The following AGO3 variants were observed in gnomAD, a reference collection of about 807,000 sequenced individuals.
AGO3 encodes the protein protein argonaute-3.
AGO3 carries 16 observed loss-of-function variants against 105.5 expected under a neutral mutation model. The ratio of observed to expected loss-of-function variants is 0.15; its 90% confidence interval spans 0.10 to 0.23. The LOEUF (loss-of-function observed/expected upper bound fraction) is 0.23. Among genes scored for constraint, AGO3 ranks in the 10% least tolerant of loss-of-function variants. AGO3 has a pLI of 1.00. For missense variants in AGO3, 534 were observed against 1,088.0 expected (o/e 0.49, Z 7.16); for synonymous variants, 340 against 367.3 (o/e 0.93, Z 0.85).
intron 9 of AGO3, among the ~76,000 whole-genome samples, chr1:36,011,141 C>T: frequency 6.6e-6 from 1 of 152,018 alleles, no homozygotes; most frequent in Non-Finnish European, 1.5e-5. Context: ...GCTCTGTTCT[C>T]GAATACCATT....
At position 36,055,919 on chromosome 1, in the gene AGO3, A is replaced by G. The variant is rs755393194; in HGVS notation, c.*174A>G. ...ACAAGGAAGATTGTTTACTTCATCA[A>G]GGAACACAGCATCATTATGCAATAT... On this transcript the variant is annotated 3_prime_UTR_variant, in exon 19 of 19. Coordinates refer to ENST00000373191, the MANE Select transcript of AGO3 (RefSeq NM_024852.4). The surrounding 1 kb of genome is among the most constrained non-coding windows in gnomAD (Gnocchi z 4.4). 1.0e-5 allele frequency: 6 copies of G among 583,760 alleles called. No individual in the cohort carries two copies. Among genetic ancestry groups the G allele is most frequent in the Admixed American group, 3.2e-5 (1 of 31,354 alleles). 36.2% of individuals were successfully genotyped at this position (583,760 alleles called of 1,614,324 possible). A position where few individuals can be genotyped will look rare whatever the true frequency, so the allele number is the denominator to read the frequency against.
chr1:36,003,311 A>G (rs991494010), intron 5 of AGO3, among the ~76,000 whole-genome samples: 6 of 152,172 alleles, frequency 3.9e-5, no homozygotes, highest in Non-Finnish European at 7.3e-5. Context: ...AAACTCTTCT[A>G]GTTCCAAAAC....
chr1:35,938,218 A>G (rs139129941), intron 1 of AGO3, among the ~76,000 whole-genome samples: 18 of 152,274 alleles, frequency 1.2e-4, no homozygotes, highest in African/African-American at 4.3e-4. Context: ...ACCTGACCTC[A>G]GGTGATCCAC....
intron 5 of AGO3, among the ~76,000 whole-genome samples, chr1:35,995,205 A>ATATATATATAT (rs1553164834): frequency 8.9e-6 from 1 of 112,668 alleles, no homozygotes; most frequent in African/African-American, 4.5e-5. Flanking sequence ...TGTCTAAAAA[A>ATATATATATAT]AAAAATATAT....
intron 5 of AGO3, among the ~76,000 whole-genome samples, chr1:35,988,328 G>A (rs753809161): frequency 6.6e-6 from 1 of 152,090 alleles, no homozygotes; most frequent in Non-Finnish European, 1.5e-5. Flanking sequence ...TACTCTCAGC[G>A]TATTTCAAGT....
rs537745773 is a variant in AGO3, at chr1:35,955,215, G to A, written c.191+9352G>A. Among the ~76,000 whole-genome samples, 243 of 152,352 alleles carry A rather than the reference G, an allele frequency of 1.6e-3. 1 individual carries two copies. The highest frequency in any genetic ancestry group is 2.8e-3 in the Non-Finnish European group (188 of 68,040). On this transcript the variant is annotated intron_variant, in intron 2 of 18. Coordinates refer to ENST00000373191, the MANE Select transcript of AGO3 (RefSeq NM_024852.4). Reference sequence around the variant, plus strand: ...GGACCATACTTGATGACAGTGTGGTGAATGAGAGATGAGAAAGACTTGAGT... The same window carrying A: ...GGACCATACTTGATGACAGTGTGGTAAATGAGAGATGAGAAAGACTTGAGT...
intron 17 of AGO3, among the ~76,000 whole-genome samples, chr1:36,044,910 C>T (rs1205869365): frequency 1.3e-5 from 2 of 152,136 alleles, no homozygotes; most frequent in Non-Finnish European, 2.9e-5. Flanking sequence ...GAGTCTATAA[C>T]CCAAAACTAT....
At chr1:35,997,482 G>C (rs1639882702) in intron 5 of AGO3, among the ~76,000 whole-genome samples, 1 of 152,106 alleles carries the variant, frequency 6.6e-6, no homozygotes, top group South Asian at 2.1e-4. Context: ...CTCCTAGTCA[G>C]CCATGTGATC....
Position 36,055,447 on chromosome 1 carries a change from G to A in AGO3, c.2475-190G>A, listed in dbSNP as rs958743759. Among the ~76,000 whole-genome samples, 37 of 152,132 alleles carry A rather than the reference G, an allele frequency of 2.4e-4. No homozygotes were observed. Among genetic ancestry groups the A allele is most frequent in the Non-Finnish European group, 4.1e-4 (28 of 68,026 alleles). ...GTTTGCTTCTAATTAATTCTGGGGA[G>A]GTGAGAGAAGTAAAACAAAATTGGC... On this transcript the variant is annotated intron_variant, in intron 18 of 18. Coordinates refer to ENST00000373191, the MANE Select transcript of AGO3 (RefSeq NM_024852.4). This position sits in a 1 kb window ranked among gnomAD's most constrained non-coding sequence, Gnocchi z 4.4.
At chr1:35,966,280 T>C (rs564852159) in intron 2 of AGO3, among the ~76,000 whole-genome samples, 1 of 152,352 alleles carries the variant, frequency 6.6e-6, no homozygotes, top group South Asian at 2.1e-4. Flanking sequence ...ATCCTTTCAG[T>C]TTCTCTGCTT....
At chr1:35,979,200 T>C (rs1434708100) in intron 5 of AGO3, among the ~76,000 whole-genome samples, 1 of 152,032 alleles carries the variant, frequency 6.6e-6, no homozygotes, top group East Asian at 1.9e-4. Flanking sequence ...CCATCTCTAC[T>C]AAAAATACAA....
At chr1:35,939,831 G>A (rs1483952025) in intron 1 of AGO3, among the ~76,000 whole-genome samples, 3 of 151,834 alleles carry the variant, frequency 2.0e-5, no homozygotes, top group East Asian at 1.9e-4. Context: ...CCACCCAAAC[G>A]CAGTCATCAA....
chr1:36,004,510 A>G lies in AGO3; in HGVS notation c.793+35A>G, dbSNP rs554231943. On this transcript the variant is annotated intron_variant, in intron 6 of 18. Coordinates refer to ENST00000373191, the MANE Select transcript of AGO3 (RefSeq NM_024852.4). ...TTAGCATTTAGCACAACTTAACTAT[A>G]AAATGCATGGATATAACAACCTTTT... 23 of 1,537,964 alleles carry G rather than the reference A, an allele frequency of 1.5e-5. No homozygotes were observed. In the East Asian group the frequency reaches 5.0e-4, roughly 34 times the overall value.
chr1:35,980,234 G>T (rs904243695), intron 5 of AGO3, among the ~76,000 whole-genome samples: 3 of 151,776 alleles, frequency 2.0e-5, no homozygotes, highest in African/African-American at 7.3e-5. Context: ...TTATTTTATT[G>T]CTCTTTATAA....
intron 17 of AGO3, among the ~76,000 whole-genome samples, chr1:36,054,744 T>C (rs1408418463): frequency 1.3e-5 from 2 of 152,086 alleles, no homozygotes; most frequent in Non-Finnish European, 2.9e-5. Context: ...TAGCTGGGCA[T>C]GATCACACAT....
intron 2 of AGO3, among the ~76,000 whole-genome samples, chr1:35,952,343 A>G (rs1226516921): frequency 4.6e-5 from 7 of 151,668 alleles, no homozygotes; most frequent in African/African-American, 7.3e-5. Flanking sequence ...GGATTTCACC[A>G]TGTTGGCCCA....
intron 17 of AGO3, among the ~76,000 whole-genome samples, chr1:36,044,992 A>T (rs1255581695): frequency 6.6e-6 from 1 of 152,198 alleles, no homozygotes; most frequent in Non-Finnish European, 1.5e-5. Flanking sequence ...TCTGTATCTT[A>T]TAGCTTTATA....
At position 36,027,543 on chromosome 1, in the gene AGO3, C is replaced by T. The variant is rs866839423; in HGVS notation, c.1591+245C>T. Among the ~76,000 whole-genome samples the T allele has an allele frequency of 4.0e-5, 6 of 151,786 alleles. No individual in the cohort carries two copies. Among genetic ancestry groups the T allele is most frequent in the Admixed American group, 2.6e-4 (4 of 15,220 alleles). Reference sequence around the variant, plus strand: ...CTGTAATCCCAGCACTTTGGGAGGCCGAGGCGGGTGGATCACCTGAGGTCA... The same window carrying T: ...CTGTAATCCCAGCACTTTGGGAGGCTGAGGCGGGTGGATCACCTGAGGTCA... On this transcript the variant is annotated intron_variant, in intron 12 of 18. Coordinates refer to ENST00000373191, the MANE Select transcript of AGO3 (RefSeq NM_024852.4). The surrounding 1 kb of genome is among the most constrained non-coding windows in gnomAD (Gnocchi z 4.0).
At chr1:35,944,841 C>G (rs1480550785) in intron 1 of AGO3, among the ~76,000 whole-genome samples, 1 of 152,048 alleles carries the variant, frequency 6.6e-6, no homozygotes, top group East Asian at 1.9e-4. Context: ...CGGGGTCTCA[C>G]TCTGTCACCC....
Sources: gnomAD v4.1 joint callset for allele counts (sites outside exome capture counted in the v4.1 genomes callset) on GRCh38, gnomAD v4.1.1 for gene constraint, Gnocchi (gnomAD v3.1) non-coding constraint, MANE v1.5 for transcripts, NCBI Gene and HGNC (gene_info 2026-07-23, HGNC 2026-07-21) for gene names.